VPS8: variants seen among roughly 807,000 people sequenced by gnomAD.
VPS8 encodes the protein VPS8 subunit of CORVET complex.
In VPS8, 129 loss-of-function variants were observed where a neutral mutation model predicts 216.4. That is an observed-to-expected ratio of 0.60 (90% confidence interval 0.52 to 0.69). The LOEUF (loss-of-function observed/expected upper bound fraction) is 0.69. Ranked by LOEUF, VPS8 falls within the 30% of genes least tolerant of loss-of-function variation. The probability of loss-of-function intolerance (pLI) is 0.00; values close to 1 mark genes in which losing one functional copy is unlikely to be tolerated. For synonymous variants in VPS8, 571 were observed against 565.4 expected, an observed-to-expected ratio of 1.01 and a Z score of -0.14; for missense variants, 1,531 against 1,683.5, an observed-to-expected ratio of 0.91 and a Z score of 1.59.
intron 4 of VPS8, among the ~76,000 whole-genome samples, chr3:184,834,178 G>A (rs897286789): frequency 5.3e-5 from 8 of 152,168 alleles, no homozygotes; most frequent in African/African-American, 1.9e-4. Flanking sequence ...ATGTAGACTT[G>A]CAGGCCGGAG....
chr3:184,874,961 CTTATGATGT>C (rs1222165821), intron 21 of VPS8, among the ~76,000 whole-genome samples: 1 of 151,460 alleles, frequency 6.6e-6, no homozygotes, highest in Non-Finnish European at 1.5e-5. Flanking sequence ...AAATGACCTA[CTTATGATGT>C]AACAGCTCTT....
rs10700220 is a variant in VPS8 at position 184,950,216 on chromosome 3, CTTTTTTTT to C, written c.3036-7137_3036-7130del. Among the ~76,000 whole-genome samples, 200 of 39,930 alleles carry C rather than the reference CTTTTTTTT, an allele frequency of 5.0e-3. 7 individuals carry two copies. The East Asian group carries it at 0.13, about 26-fold the overall frequency. 26.2% of individuals were successfully genotyped at this position (39,930 alleles called of 152,430 possible). On this transcript the variant is annotated intron_variant, in intron 36 of 47. Transcript: ENST00000625842. ...AGCAACCACGCCCAGCAGTTTTCTG[CTTTTTTTT>C]TTTTTTTTTTTTTTTTTTTTACTCT...
At chr3:184,980,903 G>C (rs1008509603) in intron 40 of VPS8, among the ~76,000 whole-genome samples, 10 of 152,148 alleles carry the variant, frequency 6.6e-5, no homozygotes, top group Non-Finnish European at 1.3e-4. Context: ...CTGGCTTTTT[G>C]AGTTTCCAGA....
chr3:184,887,712 G>T (rs1731543643), intron 22 of VPS8, among the ~76,000 whole-genome samples: 1 of 152,144 alleles, frequency 6.6e-6, no homozygotes, highest in African/African-American at 2.4e-5. Flanking sequence ...ATTTAATGTA[G>T]ATGCTCCCAA....
At chr3:184,937,399 A>T (rs997720115) in intron 35 of VPS8, among the ~76,000 whole-genome samples, 1 of 152,222 alleles carries the variant, frequency 6.6e-6, no homozygotes, top group Admixed American at 6.5e-5. Flanking sequence ...AGCTGGCATG[A>T]GAGACAAAAA....
intron 45 of VPS8, among the ~76,000 whole-genome samples, chr3:185,022,385 G>A (rs75250443): frequency 0.094 from 14,274 of 152,152 alleles, 1,564 homozygotes; most frequent in African/African-American, 0.27. Context: ...TATATTTAAT[G>A]TTTTTGCTAG....
intron 45 of VPS8, among the ~76,000 whole-genome samples, chr3:185,002,322 A>G (rs1052807102): frequency 6.6e-6 from 1 of 152,160 alleles, no homozygotes. Flanking sequence ...AGCCATTTAC[A>G]CTACATTGGT....
At chr3:184,829,487 A>T (rs1037197909) in intron 3 of VPS8, among the ~76,000 whole-genome samples, 9 of 152,176 alleles carry the variant, frequency 5.9e-5, no homozygotes, top group Non-Finnish European at 1.2e-4. Context: ...GAGTGCTGGT[A>T]TTACAGGCAT....
chr3:185,024,547 C>T (rs1173772184), intron 46 of VPS8, among the ~76,000 whole-genome samples, 158 bp downstream of exon 46: 1 of 152,200 alleles, frequency 6.6e-6, no homozygotes, highest in Non-Finnish European at 1.5e-5. Flanking sequence ...TCCAGGCCTC[C>T]TCTTTGGCTT....
intron 30 of VPS8, among the ~76,000 whole-genome samples, 189 bp from the exon 31 acceptor site, chr3:184,926,405 G>A (rs544793826): frequency 1.4e-5 from 2 of 145,612 alleles, no homozygotes; most frequent in African/African-American, 5.6e-5. Context: ...TAAATAAATA[G>A]TTAGCACACC....
intron 30 of VPS8, among the ~76,000 whole-genome samples, chr3:184,926,147 G>A (rs764415828): frequency 1.6e-4 from 24 of 151,082 alleles, no homozygotes; most frequent in Non-Finnish European, 3.1e-4. Flanking sequence ...AGGCCGAGGC[G>A]GGCGGATCAC....
chr3:184,963,879 G>GT (rs748762271), intron 37 of VPS8, among the ~76,000 whole-genome samples: 15 of 151,732 alleles, frequency 9.9e-5, no homozygotes, highest in Non-Finnish European at 1.8e-4. Flanking sequence ...AGACTATCAT[G>GT]TTTTTTTCCT....
chr3:185,003,298 C>T (rs373774014), intron 45 of VPS8, among the ~76,000 whole-genome samples: 4,434 of 144,050 alleles, frequency 0.031, 84 homozygotes, highest in East Asian at 0.093. Context: ...GAGGACCCTG[C>T]GGCCTTCCGC....
chr3:184,975,347 A>G (rs1280230713), intron 40 of VPS8, among the ~76,000 whole-genome samples: 1 of 151,328 alleles, frequency 6.6e-6, no homozygotes, highest in African/African-American at 2.4e-5. Flanking sequence ...TCTTTTTCAG[A>G]TAGTTTGTTA....
At chr3:184,824,909 T>TA in intron 2 of VPS8, 124 bp downstream of exon 2, 2 of 852,374 alleles carry the variant, frequency 2.3e-6, no homozygotes, top group Non-Finnish European at 3.5e-6. Context: ...TGTATAATTT[T>TA]TTTTTTTTTT....
rs113013116 is a variant in VPS8 at position 185,012,719 on chromosome 3, A to G, written c.4003-11617A>G. On this transcript the variant is annotated intron_variant, in intron 45 of 47. Coordinates refer to ENST00000625842, the MANE Select transcript of VPS8 (RefSeq NM_001009921.3). Reference sequence around the variant, plus strand: ...GCTGGCATTTAAAATGCTAAAAAGTAAGTTAATATGGTGCACGTATTGTAT... The same window carrying G: ...GCTGGCATTTAAAATGCTAAAAAGTGAGTTAATATGGTGCACGTATTGTAT... 3.2e-3 allele frequency among the ~76,000 whole-genome samples: 480 copies of G among 152,264 alleles called. 2 individuals are homozygous for G. Among genetic ancestry groups the G allele is most frequent in the African/African-American group, 0.011 (447 of 41,558 alleles).
At chr3:185,023,676 T>A (rs1363594844) in intron 45 of VPS8, among the ~76,000 whole-genome samples, 2 of 151,668 alleles carry the variant, frequency 1.3e-5, no homozygotes, top group Non-Finnish European at 2.9e-5. Flanking sequence ...AAATAAATAA[T>A]TAAAAAAAAA....
intron 26 of VPS8, 69 bp downstream of exon 26, chr3:184,913,630 C>G: frequency 8.0e-7 from 1 of 1,245,204 alleles, no homozygotes; most frequent in Non-Finnish European, 1.1e-6. Flanking sequence ...TTTAGAGATA[C>G]TATGATCTCT....
At chr3:184,997,088 G>A (rs61421579) in intron 44 of VPS8, among the ~76,000 whole-genome samples, 6,081 of 152,214 alleles carry the variant, frequency 0.04, 212 homozygotes, top group East Asian at 0.1. Context: ...TCAGAAATCT[G>A]GAGATGTGTT....
Sources: gnomAD v4.1 joint callset for allele counts (sites outside exome capture counted in the v4.1 genomes callset) on GRCh38, gnomAD v4.1.1 for gene constraint, MANE v1.5 for transcripts, NCBI Gene and HGNC (gene_info 2026-07-23, HGNC 2026-07-21) for gene names.